The following RCL1 variants were observed in gnomAD, a reference collection of about 807,000 sequenced individuals.
The protein encoded by RCL1 is RNA terminal phosphate cyclase like 1, also known as RNA 3'-terminal phosphate cyclase-like protein.
In RCL1, 24 loss-of-function variants were observed where a neutral mutation model predicts 42.4. The observed-to-expected ratio is 0.57, with a 90% confidence interval of 0.41 to 0.80. The LOEUF is 0.80. Ranked by LOEUF, RCL1 falls within the 30% of genes least tolerant of loss-of-function variation. The pLI is 0.00. For missense variants in RCL1, 578 were observed against 467.9 expected (o/e 1.24, Z -2.17); for synonymous variants, 228 against 177.3 (o/e 1.29, Z -2.27).
At chr9:4,844,333 T>C (rs1446598615) in intron 6 of RCL1, among the ~76,000 whole-genome samples, 192 bp from the exon 7 acceptor site, 2 of 152,166 alleles carry the variant, frequency 1.3e-5, no homozygotes, top group Non-Finnish European at 1.5e-5. Context: ...GGAGAGATGC[T>C]TGTTTTTGGA....
chr9:4,819,336 AC>A (rs1445277349), intron 1 of RCL1, among the ~76,000 whole-genome samples: 1 of 152,180 alleles, frequency 6.6e-6, no homozygotes, highest in African/African-American at 2.4e-5. Flanking sequence ...ATGAAACTGG[AC>A]CCTGGTGCCA....
chr9:4,814,084 G>A (rs994585074), intron 1 of RCL1, among the ~76,000 whole-genome samples: 5 of 151,874 alleles, frequency 3.3e-5, no homozygotes, highest in African/African-American at 1.2e-4. Flanking sequence ...CACCAGCATG[G>A]CACACTTATA....
chr9:4,813,339 A>G (rs534029386), intron 1 of RCL1, among the ~76,000 whole-genome samples: 583 of 152,346 alleles, frequency 3.8e-3, no homozygotes, highest in African/African-American at 0.014. Flanking sequence ...CAAATTTACA[A>G]GAAAAAAATC....
chr9:4,804,998 T>C (rs1267415009), intron 1 of RCL1: 1 of 152,284 alleles, frequency 6.6e-6, no homozygotes, highest in Admixed American at 6.6e-5. Context: ...GAATGCAACA[T>C]GGAGAGAGAC....
chr9:4,850,452 C>A, intron 8 of RCL1: 1 of 306,416 alleles, frequency 3.3e-6, no homozygotes, highest in South Asian at 3.4e-5. Flanking sequence ...GGCATGAAAA[C>A]CAGGAGCTTG....
intron 3 of RCL1, among the ~76,000 whole-genome samples, chr9:4,827,534 A>G (rs185152365): frequency 1.0e-3 from 155 of 152,338 alleles, no homozygotes; most frequent in African/African-American, 3.6e-3. Context: ...AAGTCAGGAA[A>G]GGAATGTGTG....
intron 1 of RCL1, 58 bp from the exon 2 acceptor site, chr9:4,823,490 G>C: frequency 1.5e-6 from 2 of 1,352,388 alleles, no homozygotes; most frequent in Non-Finnish European, 2.1e-6. Context: ...TGGAAATGTT[G>C]ACCTGACATG....
chr9:4,805,549 A>G (rs184574768), intron 1 of RCL1, among the ~76,000 whole-genome samples: 1 of 152,220 alleles, frequency 6.6e-6, no homozygotes, highest in African/African-American at 2.4e-5. Flanking sequence ...CTAAACTCTT[A>G]TAGAAATAGA....
At chr9:4,793,249 G>T (rs778341248) in intron 1 of RCL1, 22 bp downstream of exon 1, 2 of 1,572,420 alleles carry the variant, frequency 1.3e-6, no homozygotes, top group South Asian at 2.3e-5. Flanking sequence ...TGGGCGGCGC[G>T]CGGCGTGGGC....
chr9:4,837,918 G>T (rs1021487530), intron 5 of RCL1, among the ~76,000 whole-genome samples: 1 of 152,154 alleles, frequency 6.6e-6, no homozygotes, highest in African/African-American at 2.4e-5. Context: ...GGCTCCCCAG[G>T]AGAGTTGACA....
In RCL1 at chr9:4,849,484, T is replaced by A; in HGVS notation, c.905T>A (p.Leu302Gln). The change falls in exon 8 of 9, where the codon CTA (leucine) becomes CAA (glutamine). Residue 302 changes from leucine (L) to glutamine (Q), a missense_variant. Physicochemically the swap from Leu to Gln is moderately radical, Grantham distance 113. Coordinates refer to ENST00000381750, the MANE Select transcript of RCL1 (RefSeq NM_005772.5). Reference protein sequence around the residue: ...CVDSTNQSLALLLMTLGQQDV... With the variant: ...CVDSTNQSLAQLLMTLGQQDV... ...GACTCGACCAACCAAAGCCTGGCGC[T>A]ACTACTCATGACCCTTGGACAGCAG... The A allele has an allele frequency of 6.2e-7, 1 of 1,614,162 alleles. No individual in the cohort carries two copies. Among genetic ancestry groups the A allele is most frequent in the Non-Finnish European group, 8.5e-7 (1 of 1,180,000 alleles).
intron 1 of RCL1, among the ~76,000 whole-genome samples, chr9:4,806,073 T>TGTGG (rs1178280980): frequency 6.6e-6 from 1 of 151,630 alleles, no homozygotes; most frequent in Non-Finnish European, 1.5e-5. Context: ...TTTGTGTGTG[T>TGTGG]ATGTTTATCT....
intron 1 of RCL1, among the ~76,000 whole-genome samples, chr9:4,806,028 G>GTT (rs1815940182): frequency 7.3e-6 from 1 of 136,448 alleles, no homozygotes; most frequent in South Asian, 2.5e-4. Context: ...GTGTGTGTGT[G>GTT]TGTGTGTGTG....
intron 1 of RCL1, among the ~76,000 whole-genome samples, chr9:4,808,801 C>T (rs1201117740): frequency 6.6e-6 from 1 of 152,102 alleles, no homozygotes; most frequent in Non-Finnish European, 1.5e-5. Context: ...TGTGGATTCT[C>T]ATATAAGCAA....
intron 1 of RCL1, among the ~76,000 whole-genome samples, chr9:4,817,110 C>G (rs920968783): frequency 6.8e-6 from 1 of 146,224 alleles, no homozygotes. Context: ...AGCCACTGTT[C>G]CCGGCCAATA....
Position 4,834,164 on chromosome 9 carries a change from C to T in RCL1, c.483C>T (p.Pro161=), listed in dbSNP as rs116769238. 6.7e-4 allele frequency: 1,072 copies of T among 1,609,322 alleles called. 3 individuals carry two copies. In the African/African-American group the frequency reaches 0.012, roughly 18 times the overall value. ...ELKIVRRGMP[P]GGGGEVVFSC... The stretch of plus-strand genomic sequence containing the variant: ...AGATTGTGCGACGGGGAATGCCTCC[C>T]GGAGGAGGAGGCGAAGTGGTTTTCT... The change falls in exon 5 of 9, where the codon CCC becomes CCT. Residue 161 remains proline (P), a synonymous_variant. Coordinates refer to ENST00000381750, the MANE Select transcript of RCL1 (RefSeq NM_005772.5).
intron 3 of RCL1, among the ~76,000 whole-genome samples, chr9:4,829,629 T>C (rs1338135787): frequency 6.6e-6 from 1 of 152,208 alleles, no homozygotes; most frequent in Non-Finnish European, 1.5e-5. Context: ...TTGATTAGGC[T>C]GAGGTTGAAC....
intron 1 of RCL1, among the ~76,000 whole-genome samples, chr9:4,815,034 T>C (rs1816322515): frequency 1.3e-5 from 2 of 152,214 alleles, no homozygotes; most frequent in African/African-American, 4.8e-5. Flanking sequence ...TCTTGCTGTT[T>C]TTAGAATTCT....
intron 1 of RCL1, among the ~76,000 whole-genome samples, chr9:4,800,306 C>A (rs1842977452): frequency 6.6e-6 from 1 of 152,088 alleles, no homozygotes; most frequent in South Asian, 2.1e-4. Flanking sequence ...CCTCCCACTC[C>A]CGGGTTCAGG....
Sources: gnomAD v4.1 joint callset for allele counts (sites outside exome capture counted in the v4.1 genomes callset) on GRCh38, gnomAD v4.1.1 for gene constraint, MANE v1.5 for transcripts, NCBI Gene and HGNC (gene_info 2026-07-23, HGNC 2026-07-21) for gene names.